ALCAM: variants seen among roughly 807,000 people sequenced by gnomAD.
ALCAM encodes the protein activated leukocyte cell adhesion molecule, also known as CD166 antigen.
In ALCAM, 30 loss-of-function variants were observed where a neutral mutation model predicts 70.9. The ratio of observed to expected loss-of-function variants is 0.42; its 90% CI spans 0.32 to 0.57. The LOEUF (loss-of-function observed/expected upper bound fraction) is 0.57, where lower values mean the gene tolerates loss of function less well. Ranked by LOEUF, ALCAM falls within the 20% of genes least tolerant of loss-of-function variation. The pLI, the probability that ALCAM is intolerant of heterozygous loss-of-function variation, is 0.11. For synonymous variants in ALCAM, 249 were observed against 242.5 expected, an observed-to-expected ratio of 1.03 and a Z score of -0.25; for missense variants, 591 against 695.1, an observed-to-expected ratio of 0.85 and a Z score of 1.68.
intron 1 of ALCAM, among the ~76,000 whole-genome samples, chr3:105,377,005 G>T (rs1935395115): frequency 6.6e-6 from 1 of 152,102 alleles, no homozygotes; most frequent in Non-Finnish European, 1.5e-5. Flanking sequence ...ACAAAAGGAT[G>T]TCTTTGTCTT....
At chr3:105,532,558 A>G (rs933816260) in intron 4 of ALCAM, among the ~76,000 whole-genome samples, 23 of 152,150 alleles carry the variant, frequency 1.5e-4, no homozygotes, top group African/African-American at 4.8e-4. Context: ...GCAGTGAGCC[A>G]TGTTTGCACC....
chr3:105,542,881 C>T (rs78682389), intron 8 of ALCAM, among the ~76,000 whole-genome samples: 1,526 of 151,768 alleles, frequency 0.01, 18 homozygotes, highest in Middle Eastern at 0.027. Flanking sequence ...TTACTCCTTG[C>T]TTATGTTGCT....
intron 1 of ALCAM, among the ~76,000 whole-genome samples, chr3:105,425,778 T>C (rs1936773393): frequency 6.6e-6 from 1 of 151,378 alleles, no homozygotes; most frequent in African/African-American, 2.4e-5. Flanking sequence ...TTTTTTTACT[T>C]TAAAGTGGAG....
intron 1 of ALCAM, among the ~76,000 whole-genome samples, chr3:105,459,347 A>G (rs1452257225): frequency 1.3e-5 from 2 of 152,096 alleles, no homozygotes; most frequent in East Asian, 1.9e-4. Flanking sequence ...TACTTGCATG[A>G]TAAGTTTAAT....
At chr3:105,401,059 A>G (rs1936077203) in intron 1 of ALCAM, among the ~76,000 whole-genome samples, 1 of 152,240 alleles carries the variant, frequency 6.6e-6, no homozygotes, top group Admixed American at 6.5e-5. Flanking sequence ...CAAACTCTGG[A>G]CAATCAGAAT....
chr3:105,373,096 A>T (rs2107319855), intron 1 of ALCAM, among the ~76,000 whole-genome samples: 1 of 152,286 alleles, frequency 6.6e-6, no homozygotes, highest in African/African-American at 2.4e-5. Flanking sequence ...AGTTTCCATG[A>T]ATAAATGAAT....
chr3:105,522,428 A>G (rs1229155080), intron 2 of ALCAM, among the ~76,000 whole-genome samples: 1 of 152,184 alleles, frequency 6.6e-6, no homozygotes, highest in Non-Finnish European at 1.5e-5. Context: ...GAGCATTTGC[A>G]ATGCTCTAAT....
chr3:105,387,558 G>A (rs1365833892), intron 1 of ALCAM, among the ~76,000 whole-genome samples: 1 of 151,594 alleles, frequency 6.6e-6, no homozygotes, highest in Non-Finnish European at 1.5e-5. Flanking sequence ...TATGTAAATA[G>A]TCTGCGTCAC....
intron 1 of ALCAM, among the ~76,000 whole-genome samples, chr3:105,457,679 G>T (rs536316992): frequency 3.7e-4 from 57 of 152,146 alleles, no homozygotes; most frequent in Non-Finnish European, 6.5e-4. Context: ...GTGAACTGCT[G>T]CCCATATGCT....
intron 8 of ALCAM, among the ~76,000 whole-genome samples, chr3:105,542,395 G>A (rs934230767): frequency 6.6e-6 from 1 of 151,766 alleles, no homozygotes; most frequent in Non-Finnish European, 1.5e-5. Context: ...AAAGACACAT[G>A]TAAATACCAG....
At chr3:105,458,937 G>A (rs1255652260) in intron 1 of ALCAM, among the ~76,000 whole-genome samples, 2 of 152,050 alleles carry the variant, frequency 1.3e-5, no homozygotes, top group Non-Finnish European at 2.9e-5. Flanking sequence ...TTTCATAAAT[G>A]CAAATCTTTC....
At position 105,541,641 on chromosome 3, in the gene ALCAM, C is replaced by T. The variant is rs762713277; in HGVS notation, c.867C>T (p.Pro289=). 19 of 1,611,352 alleles carry T rather than the reference C, an allele frequency of 1.2e-5. No individual in the cohort carries two copies. The highest frequency in any genetic ancestry group is 4.0e-5 in the African/African-American group (3 of 74,690). Residue 289 remains proline (P), a synonymous_variant, in exon 8 of 16, where the codon CCC becomes CCT. Transcript: ENST00000306107. ...TTTGCCTCTATCAAAAGGGACAGCC[C>T]GAAGGAATAAGAAGCTCAAATACTT... ...EEFLFYLPGQ[P]EGIRSSNTYT... is the part of the protein sequence containing the mutation.
intron 15 of ALCAM, among the ~76,000 whole-genome samples, chr3:105,573,525 C>T (rs1184791200): frequency 6.6e-6 from 1 of 152,020 alleles, no homozygotes; most frequent in East Asian, 1.9e-4. Flanking sequence ...TATCTATATG[C>T]ACATATGTAG....
At chr3:105,370,174 A>G (rs1345818548) in intron 1 of ALCAM, among the ~76,000 whole-genome samples, 1 of 152,202 alleles carries the variant, frequency 6.6e-6, no homozygotes, top group Non-Finnish European at 1.5e-5. Flanking sequence ...TGTTTGAAAC[A>G]TATCAATTGA....
chr3:105,442,300 A>C (rs1343162494), intron 1 of ALCAM, among the ~76,000 whole-genome samples: 1 of 152,184 alleles, frequency 6.6e-6, no homozygotes, highest in East Asian at 1.9e-4. Context: ...AGTAAAATGA[A>C]CTATTATTTT....
chr3:105,557,479 TATA>T (rs1258680785), intron 14 of ALCAM, among the ~76,000 whole-genome samples: 1 of 152,128 alleles, frequency 6.6e-6, no homozygotes. Context: ...TGCATCAAAA[TATA>T]ATGTGTTCAT....
At chr3:105,393,166 G>A (rs1935865516) in intron 1 of ALCAM, among the ~76,000 whole-genome samples, 1 of 151,622 alleles carries the variant, frequency 6.6e-6, no homozygotes, top group African/African-American at 2.4e-5. Flanking sequence ...AAATTAAAAT[G>A]ATCTTTCATT....
chr3:105,519,072 G>A (rs1194952453), intron 1 of ALCAM, among the ~76,000 whole-genome samples: 1 of 151,976 alleles, frequency 6.6e-6, no homozygotes, highest in Non-Finnish European at 1.5e-5. Flanking sequence ...GTTTAAAGTA[G>A]CCCCTTCACA....
intron 1 of ALCAM, among the ~76,000 whole-genome samples, chr3:105,379,048 G>A (rs1935447694): frequency 6.6e-6 from 1 of 151,912 alleles, no homozygotes; most frequent in African/African-American, 2.4e-5. Flanking sequence ...CAAGAGCTTG[G>A]GCTATGGATC....
Sources: allele counts gnomAD v4.1 joint callset (sites outside exome capture counted in the v4.1 genomes callset), GRCh38; gene constraint gnomAD v4.1.1; transcripts MANE v1.5; gene names NCBI Gene and HGNC (gene_info 2026-07-23, HGNC 2026-07-21).